Variants in TIAM1 observed in about 807,000 individuals in gnomAD.
The protein encoded by TIAM1 is rho guanine nucleotide exchange factor TIAM1.
In TIAM1, 65 loss-of-function variants were observed where a neutral mutation model predicts 163.5. The ratio of observed to expected loss-of-function variants is 0.40; its 90% CI spans 0.33 to 0.49. The LOEUF (loss-of-function observed/expected upper bound fraction) is 0.49, where lower values mean the gene tolerates loss of function less well. TIAM1 is among the 20% of genes least tolerant of loss of function. The pLI is 0.77. For missense variants in TIAM1, 1,789 were observed against 2,044.7 expected, an observed-to-expected ratio of 0.87 and a Z score of 2.41; for synonymous variants, 833 against 810.1, an observed-to-expected ratio of 1.03 and a Z score of -0.48.
intron 6 of TIAM1, among the ~76,000 whole-genome samples, chr21:31,226,681 G>C (rs1476699215): frequency 6.6e-6 from 1 of 152,152 alleles, no homozygotes; most frequent in Admixed American, 6.5e-5. Context: ...GTGATAACTC[G>C]CTATTAATGA....
At chr21:31,191,473 G>C (rs2085560298) in intron 13 of TIAM1, among the ~76,000 whole-genome samples, 2 of 152,168 alleles carry the variant, frequency 1.3e-5, no homozygotes, top group Non-Finnish European at 2.9e-5. Flanking sequence ...GCTTTTCAAA[G>C]TGAAGTCAGG....
At chr21:31,511,186 C>T (rs2147471417) in intron 1 of TIAM1, among the ~76,000 whole-genome samples, 1 of 152,344 alleles carries the variant, frequency 6.6e-6, no homozygotes, top group African/African-American at 2.4e-5. Flanking sequence ...TTGTGTTGTT[C>T]TAAGTCACCC....
At chr21:31,243,209 A>ATATATATATATAT (rs1555902485) in intron 6 of TIAM1, among the ~76,000 whole-genome samples, 4 of 117,278 alleles carry the variant, frequency 3.4e-5, no homozygotes, top group African/African-American at 1.5e-4. Flanking sequence ...AAAAAAAAAA[A>ATATATATATATAT]ATATATATAT....
intron 2 of TIAM1, among the ~76,000 whole-genome samples, chr21:31,335,458 ATC>A (rs777605248): frequency 1.1e-4 from 16 of 152,236 alleles, no homozygotes; most frequent in Non-Finnish European, 2.1e-4. Context: ...CATGCTTGTA[ATC>A]CCGGGAGGCC....
rs1407603195 is a variant in TIAM1 at position 31,251,959 on chromosome 21, G to A, written c.1194C>T (p.Ser398=). The change falls in exon 5 of 28, where the codon AGC becomes AGT. Residue 398 remains serine, a synonymous_variant. Coordinates refer to ENST00000541036, the MANE Select transcript of TIAM1 (RefSeq NM_001353694.2). ...RRELEMSTTN[S]ESLEEAGSAH... is the part of the protein sequence containing the mutation. Reference sequence around the variant, plus strand: ...CCGAGCCGGCCTCCTCCAGGCTCTCGCTGTTGGTGGTGCTCATCTCCAGCT... The same window carrying A: ...CCGAGCCGGCCTCCTCCAGGCTCTCACTGTTGGTGGTGCTCATCTCCAGCT... The A allele has an allele frequency of 6.2e-7, 1 of 1,613,932 alleles. No homozygotes were observed. The highest frequency in any genetic ancestry group is 1.1e-5 in the South Asian group (1 of 91,080).
chr21:31,170,346 G>T (rs891588678), intron 15 of TIAM1, among the ~76,000 whole-genome samples: 3 of 152,200 alleles, frequency 2.0e-5, no homozygotes, highest in African/African-American at 4.8e-5. Context: ...CCAAGAAATT[G>T]GTGAATATAC....
intron 15 of TIAM1, among the ~76,000 whole-genome samples, chr21:31,170,882 A>G (rs2084471977): frequency 6.6e-6 from 1 of 151,766 alleles, no homozygotes; most frequent in Non-Finnish European, 1.5e-5. Context: ...CTAAAAATAC[A>G]AAAATTAGCC....
chr21:31,128,455 C>A lies in TIAM1; in HGVS notation c.4046-1303G>T, dbSNP rs931050215. ...AAGTTTTTATGTGTTTACTCCTCAA[C>A]GCAGGCGAAATTCCTGGCTTAGAAG... On this transcript the variant is annotated intron_variant, in intron 25 of 27. Coordinates refer to ENST00000541036, the MANE Select transcript of TIAM1 (RefSeq NM_001353694.2). 3.3e-5 allele frequency among the ~76,000 whole-genome samples: 5 copies of A among 152,152 alleles called. No homozygotes were observed. In the East Asian group the frequency reaches 9.6e-4, roughly 29 times the overall value.
intron 3 of TIAM1, 118 bp from the exon 4 acceptor site, chr21:31,267,101 T>C: frequency 7.1e-7 from 1 of 1,400,380 alleles, no homozygotes; most frequent in African/African-American, 1.4e-5. Flanking sequence ...CAGGGGTTGT[T>C]AGGTAAGTAA....
rs376644555 is a variant in TIAM1 at position 31,409,726 on chromosome 21, C to T, written c.-369+54257G>A. 6.5e-3 allele frequency among the ~76,000 whole-genome samples: 983 copies of T among 152,132 alleles called. 9 individuals carry two copies. Among genetic ancestry groups the T allele is most frequent in the Middle Eastern group, 0.041 (12 of 294 alleles). ...TCTCCATCTCTCCTCCAGTGCCTTG[C>T]GGCCTTCTCTGGGCTGGAGGAAAAA... is the stretch of plus-strand genomic sequence containing the variant. On this transcript the variant is annotated intron_variant, in intron 2 of 28. Coordinates refer to the TIAM1 transcript ENST00000286827.
chr21:31,463,996 G>A (rs2147355945), exon 2 of TIAM1: 1 of 152,254 alleles, frequency 6.6e-6, no homozygotes, highest in East Asian at 1.9e-4. Context: ...ATGACCGTCA[G>A]GCTTCTGAAG....
intron 1 of TIAM1, among the ~76,000 whole-genome samples, chr21:31,524,858 T>C (rs1423125802): frequency 6.6e-6 from 1 of 152,200 alleles, no homozygotes; most frequent in East Asian, 1.9e-4. Context: ...AGACACATCC[T>C]TGTCTTAGTA....
chr21:31,141,425 G>A lies in TIAM1; in HGVS notation c.3555C>T (p.Tyr1185=), dbSNP rs2082840196. The A allele has an allele frequency of 5.6e-6, 9 of 1,614,228 alleles. No homozygotes were observed. In the East Asian group the frequency reaches 2.0e-4, roughly 36 times the overall value. ...KQQHSSTLES[Y]LIKPIQRILK... The stretch of plus-strand genomic sequence containing the variant: ...GGATCCTCTGGATGGGCTTGATGAG[G>A]TACGACTCCAGCGTGGATGAGTGCT... The change falls in exon 21 of 28, where the codon TAC becomes TAT. Residue 1185 remains tyrosine, a synonymous_variant. Coordinates refer to ENST00000541036, the MANE Select transcript of TIAM1 (RefSeq NM_001353694.2). The surrounding 1 kb of genome is among the most constrained non-coding windows in gnomAD (Gnocchi z 4.7).
At chr21:31,189,044 CTTTTTTTTTTTTTTTT>C (rs58786753) in intron 13 of TIAM1, among the ~76,000 whole-genome samples, 5 of 70,072 alleles carry the variant, frequency 7.1e-5, no homozygotes, top group South Asian at 8.1e-4. Flanking sequence ...TCCATTCCCT[CTTTTTTTTTTTTTTTT>C]TTTTTTTTTT....
In TIAM1 at chr21:31,217,687, T is replaced by G. The variant is rs761909699; in HGVS notation, c.2008A>C (p.Thr670Pro). Residue 670 changes from threonine (T) to proline (P), a missense_variant, in exon 9 of 28, where the codon ACT becomes CCT. Transcript: ENST00000541036. ...SSFHALVAARTGETGVRRRTQ... is the reference protein window; with the variant it reads ...SSFHALVAARPGETGVRRRTQ... ...CGTCTTCTCACTCCAGTTTCACCAG[T>G]GCGTGCTGCCACCTGAGGATGGCAA... 3 of 1,613,320 alleles carry G rather than the reference T, an allele frequency of 1.9e-6. No homozygotes were observed. In the South Asian group the frequency reaches 3.3e-5, roughly 18 times the overall value.
chr21:31,353,834 TC>T, intron 2 of TIAM1, among the ~76,000 whole-genome samples: 1 of 99,872 alleles, frequency 1.0e-5, no homozygotes, highest in African/African-American at 3.6e-5. Context: ...TATTTATTTA[TC>T]TTTTTTTTTT....
intron 1 of TIAM1, among the ~76,000 whole-genome samples, chr21:31,535,380 C>CAAAAAAAAAA (rs59742048): frequency 1.8e-5 from 1 of 54,300 alleles, no homozygotes. Flanking sequence ...GGCTCCATCT[C>CAAAAAAAAAA]AAAAAAAAAA....
intron 6 of TIAM1, among the ~76,000 whole-genome samples, chr21:31,234,809 G>C (rs1419807655): frequency 1.3e-5 from 2 of 151,858 alleles, no homozygotes; most frequent in Non-Finnish European, 2.9e-5. Flanking sequence ...AATTGTGCTT[G>C]CTTTGGCAGC....
In TIAM1 at chr21:31,223,678, G is replaced by A. The variant is rs1238230600; in HGVS notation, c.1810-87C>T. 32 of 1,315,684 alleles carry A rather than the reference G, an allele frequency of 2.4e-5. No homozygotes were observed. The East Asian group carries it at 2.5e-4, about 10-fold the overall frequency. The allele number at this position is 1,315,684 out of a possible 1,614,324, so 81.5% of individuals were successfully genotyped here. A position where few individuals can be genotyped will look rare whatever the true frequency, so the allele number is the denominator to read the frequency against. On this transcript the variant is annotated intron_variant, in intron 7 of 27. Coordinates refer to ENST00000541036, the MANE Select transcript of TIAM1 (RefSeq NM_001353694.2). ...TTTATCCTATACAGATCTATATGTC[G>A]TAAAGGCATTCATTATAATCCTAAG...
Sources: allele counts gnomAD v4.1 joint callset (sites outside exome capture counted in the v4.1 genomes callset), GRCh38; gene constraint gnomAD v4.1.1; non-coding constraint Gnocchi (gnomAD v3.1); transcripts MANE v1.5; gene names NCBI Gene and HGNC (gene_info 2026-07-23, HGNC 2026-07-21).